The following MROH9 variants were observed in gnomAD, a reference collection of about 807,000 sequenced individuals.
MROH9 encodes maestro heat-like repeat-containing protein family member 9.
In MROH9, 92 loss-of-function variants were observed where a neutral mutation model predicts 98.2. That is an observed-to-expected ratio of 0.94 (90% CI 0.79 to 1.11). The LOEUF (loss-of-function observed/expected upper bound fraction) is 1.11. Among genes scored for constraint, MROH9 ranks in the 50% most tolerant of loss-of-function variants. The pLI is 0.00. For synonymous variants in MROH9, 397 were observed against 368.9 expected (o/e 1.08, Z -0.87); for missense variants, 1,057 against 1,014.8 (o/e 1.04, Z -0.57).
intron 17 of MROH9, among the ~76,000 whole-genome samples, chr1:171,016,828 T>C (rs893683952): frequency 1.3e-5 from 2 of 152,202 alleles, no homozygotes; most frequent in Admixed American, 6.5e-5. Flanking sequence ...TTAAAAGTAT[T>C]TTATCAGAAA....
At chr1:170,949,610 T>A (rs1571440197) in intron 3 of MROH9, among the ~76,000 whole-genome samples, 4 of 152,080 alleles carry the variant, frequency 2.6e-5, no homozygotes, top group South Asian at 4.1e-4. Flanking sequence ...TGCACCTGGG[T>A]CAAGTGGGCT....
intron 9 of MROH9, among the ~76,000 whole-genome samples, chr1:170,984,723 C>A (rs767990170): frequency 5.3e-5 from 8 of 152,180 alleles, no homozygotes; most frequent in Non-Finnish European, 1.0e-4. Context: ...AATCCTTGGG[C>A]TTGCGGGAGG....
chr1:170,944,136 C>A (rs544216320), intron 1 of MROH9, among the ~76,000 whole-genome samples: 76 of 151,900 alleles, frequency 5.0e-4, no homozygotes, highest in Non-Finnish European at 8.4e-4. Context: ...ACTAATAAAT[C>A]AACTAAAATT....
At chr1:170,942,190 T>C (rs559500778) in intron 1 of MROH9, among the ~76,000 whole-genome samples, 1 of 152,188 alleles carries the variant, frequency 6.6e-6, no homozygotes, top group African/African-American at 2.4e-5. Flanking sequence ...TGTAGCACAT[T>C]TCCTCATGGG....
At chr1:171,056,315 C>T (rs1162580664) in intron 20 of MROH9, among the ~76,000 whole-genome samples, 1 of 152,202 alleles carries the variant, frequency 6.6e-6, no homozygotes, top group Non-Finnish European at 1.5e-5. Flanking sequence ...ACCAGTAGGG[C>T]TGGACACCTT....
chr1:171,046,634 G>A (rs933916156), intron 20 of MROH9, among the ~76,000 whole-genome samples: 14 of 152,124 alleles, frequency 9.2e-5, no homozygotes, highest in Admixed American at 4.6e-4. Flanking sequence ...TTGAAAAGTT[G>A]TAGTTATTAT....
At chr1:170,982,813 T>C (rs1264488236) in intron 8 of MROH9, among the ~76,000 whole-genome samples, 1 of 152,174 alleles carries the variant, frequency 6.6e-6, no homozygotes, top group East Asian at 1.9e-4. Context: ...GAAGATCAGT[T>C]GAGCCCAGGA....
chr1:171,051,323 G>A (rs1653656602), intron 20 of MROH9, among the ~76,000 whole-genome samples: 1 of 151,850 alleles, frequency 6.6e-6, no homozygotes, highest in Non-Finnish European at 1.5e-5. Context: ...CAATAGCAAA[G>A]ACATAGAATA....
intron 20 of MROH9, among the ~76,000 whole-genome samples, chr1:171,056,688 G>A (rs1444216210): frequency 1.3e-5 from 2 of 152,186 alleles, no homozygotes; most frequent in Non-Finnish European, 2.9e-5. Context: ...GACAACAGGG[G>A]TTGTCAGAAA....
intron 10 of MROH9, among the ~76,000 whole-genome samples, chr1:170,988,703 C>G (rs1651241215): frequency 6.6e-6 from 1 of 152,132 alleles, no homozygotes; most frequent in Non-Finnish European, 1.5e-5. Context: ...CTAAAAACAT[C>G]CCTAAAAATC....
chr1:171,024,870 A>G (rs970531216), intron 19 of MROH9, 105 bp downstream of exon 19: 1 of 654,484 alleles, frequency 1.5e-6, no homozygotes, highest in Non-Finnish European at 2.6e-6. Context: ...ATCTTGGAGG[A>G]AAAAAATGGA....
intron 20 of MROH9, among the ~76,000 whole-genome samples, chr1:171,026,020 C>T (rs1270092926): frequency 6.6e-6 from 1 of 152,066 alleles, no homozygotes; most frequent in African/African-American, 2.4e-5. Flanking sequence ...TCGGATCTTC[C>T]CTTGACCCCA....
At chr1:170,988,004 T>C (rs982804225) in intron 10 of MROH9, among the ~76,000 whole-genome samples, 2 of 152,216 alleles carry the variant, frequency 1.3e-5, no homozygotes, top group Non-Finnish European at 2.9e-5. Flanking sequence ...ACACCACATG[T>C]GAATGGGACC....
intron 3 of MROH9, 43 bp downstream of exon 3, chr1:170,947,616 T>G: frequency 2.0e-6 from 3 of 1,526,394 alleles, no homozygotes; most frequent in Non-Finnish European, 2.7e-6. Context: ...CTGAATTCTC[T>G]TGGAAAAAAT....
rs1653311302 is a variant in MROH9, at chr1:171,041,698, T to C, written c.2281+16278T>C. Among the ~76,000 whole-genome samples the C allele has an allele frequency of 1.3e-5, 2 of 151,972 alleles. 1 individual carries two copies. The highest frequency in any genetic ancestry group is 4.1e-4 in the South Asian group (2 of 4,830). On this transcript the variant is annotated intron_variant, in intron 20 of 21. Coordinates refer to ENST00000367759, the MANE Select transcript of MROH9 (RefSeq NM_001163629.2). Reference sequence around the variant, plus strand: ...ATTACATTCCCACCAACAATGTATATGCATTCATTTTTCTCTGTAACTTCA... The same window carrying C: ...ATTACATTCCCACCAACAATGTATACGCATTCATTTTTCTCTGTAACTTCA...
At chr1:171,053,468 C>T (rs1653733810) in intron 20 of MROH9, among the ~76,000 whole-genome samples, 2 of 152,202 alleles carry the variant, frequency 1.3e-5, no homozygotes, top group Admixed American at 1.3e-4. Flanking sequence ...TTTAGCTTAA[C>T]TGCCTGGTGG....
intron 1 of MROH9, among the ~76,000 whole-genome samples, chr1:170,939,893 TC>T (rs1330670608): frequency 6.6e-6 from 1 of 152,134 alleles, no homozygotes; most frequent in African/African-American, 2.4e-5. Context: ...GGCTTGCACT[TC>T]AATTCACTGC....
chr1:171,013,132 C>G (rs900937003), intron 15 of MROH9, among the ~76,000 whole-genome samples: 3 of 152,188 alleles, frequency 2.0e-5, no homozygotes, highest in African/African-American at 7.2e-5. Flanking sequence ...AATGCCAACT[C>G]ACAAACCTAA....
At chr1:170,980,237 A>G (rs1477601890) in intron 8 of MROH9, among the ~76,000 whole-genome samples, 5 of 152,178 alleles carry the variant, frequency 3.3e-5, no homozygotes, top group Admixed American at 2.6e-4. Context: ...GAAAAAAACT[A>G]TTTTAAATGT....
Sources: gnomAD v4.1 joint callset for allele counts (sites outside exome capture counted in the v4.1 genomes callset) on GRCh38, gnomAD v4.1.1 for gene constraint, MANE v1.5 for transcripts, NCBI Gene and HGNC (gene_info 2026-07-23, HGNC 2026-07-21) for gene names.